KIAA1549L: variants seen among roughly 807,000 people sequenced by gnomAD.
KIAA1549L encodes the protein KIAA1549 like, also known as UPF0606 protein KIAA1549L.
In KIAA1549L, 88 loss-of-function variants were observed where a neutral mutation model predicts 160.7. The ratio of observed to expected loss-of-function variants is 0.55; its 90% CI spans 0.46 to 0.65. The LOEUF (loss-of-function observed/expected upper bound fraction) is 0.65, where lower values mean the gene tolerates loss of function less well. Ranked by LOEUF, KIAA1549L falls within the 30% of genes least tolerant of loss-of-function variation. The pLI, the probability that KIAA1549L is intolerant of heterozygous loss-of-function variation, is 0.00. For synonymous variants in KIAA1549L, 950 were observed against 976.7 expected (o/e 0.97, Z 0.51); for missense variants, 2,258 against 2,437.5 (o/e 0.93, Z 1.55).
rs569101503 is a variant in KIAA1549L at position 33,424,463 on chromosome 11, T to TA, written c.238+47582dup. On this transcript the variant is annotated intron_variant, in intron 1 of 20. Coordinates refer to ENST00000658780, the MANE Select transcript of KIAA1549L (RefSeq NM_012194.3). ...TCTGCCTGTTTTTGTTTCCTAATCT[T>TA]AAAAAAAATCTTTAGAGGGCACTCA... 4.9e-3 allele frequency among the ~76,000 whole-genome samples: 742 copies of TA among 151,972 alleles called. 4 individuals carry two copies. Among genetic ancestry groups the TA allele is most frequent in the South Asian group, 0.027 (129 of 4,806 alleles).
At chr11:33,539,325 T>G (rs1853962815) in intron 1 of KIAA1549L, among the ~76,000 whole-genome samples, 1 of 152,260 alleles carries the variant, frequency 6.6e-6, no homozygotes, top group Non-Finnish European at 1.5e-5. Context: ...TTTTCTTGAC[T>G]ATGAGAGTTT....
chr11:33,482,334 C>G (rs965759929), intron 1 of KIAA1549L, among the ~76,000 whole-genome samples: 18 of 151,800 alleles, frequency 1.2e-4, no homozygotes, highest in African/African-American at 3.4e-4. Flanking sequence ...TAGTTATCTG[C>G]TGGAATTTCT....
intron 1 of KIAA1549L, among the ~76,000 whole-genome samples, chr11:33,441,746 T>C (rs1590247472): frequency 6.6e-6 from 1 of 152,202 alleles, no homozygotes; most frequent in African/African-American, 2.4e-5. Context: ...TCATATCCTT[T>C]GCCCACTTTT....
At chr11:33,658,686 C>T in intron 18 of KIAA1549L, 64 bp from the exon 19 acceptor site, 1 of 1,528,560 alleles carries the variant, frequency 6.5e-7, no homozygotes. Flanking sequence ...GGGCGCACTC[C>T]TCCTGCTCGG....
intron 1 of KIAA1549L, among the ~76,000 whole-genome samples, chr11:33,420,238 T>TGTTTG (rs200546918): frequency 3.4e-5 from 5 of 148,068 alleles, no homozygotes; most frequent in Non-Finnish European, 3.0e-5. Flanking sequence ...TTTTTTTGTT[T>TGTTTG]TTTTTTTTTT....
At position 33,673,740 on chromosome 11, in the gene KIAA1549L, C is replaced by CA. The variant is rs1340818461; in HGVS notation, c.*5587dup. The CA allele has an allele frequency of 6.6e-6, 1 of 152,186 alleles. No homozygotes were observed. Among genetic ancestry groups the CA allele is most frequent in the Non-Finnish European group, 1.5e-5 (1 of 68,030 alleles). The allele number at this position is 152,186 out of a possible 1,614,324, so 9.4% of individuals were successfully genotyped here. A position where few individuals can be genotyped will look rare whatever the true frequency, so the allele number is the denominator to read the frequency against. On this transcript the variant is annotated 3_prime_UTR_variant, in exon 21 of 21. Coordinates refer to ENST00000658780, the MANE Select transcript of KIAA1549L (RefSeq NM_012194.3). Reference sequence around the variant, plus strand: ...AATTAATTTATACAGTCACATGTTCCATGACACCATGTTTTGCCAAGGAAA... The same window carrying CA: ...AATTAATTTATACAGTCACATGTTCCAATGACACCATGTTTTGCCAAGGAAA...
intron 1 of KIAA1549L, among the ~76,000 whole-genome samples, chr11:33,514,286 A>C (rs1014963431): frequency 6.6e-6 from 1 of 152,240 alleles, no homozygotes; most frequent in Admixed American, 6.5e-5. Context: ...AAGTCATTGA[A>C]AAACACTGAA....
chr11:33,614,584 ATTTTTTTTTTTT>A (rs869257067), intron 15 of KIAA1549L, among the ~76,000 whole-genome samples: 4 of 5,116 alleles, frequency 7.8e-4, no homozygotes, highest in South Asian at 0.01. Flanking sequence ...ATATATATAT[ATTTTTTTTTTTT>A]TTTTTTTTTT....
intron 9 of KIAA1549L, among the ~76,000 whole-genome samples, chr11:33,571,616 G>A (rs7939302): frequency 0.091 from 13,826 of 151,962 alleles, 2,115 homozygotes; most frequent in African/African-American, 0.31. Context: ...AGAGGGTGGG[G>A]GGAGGCTCCA....
chr11:33,573,613 T>C (rs907600274), intron 9 of KIAA1549L, among the ~76,000 whole-genome samples: 13 of 152,182 alleles, frequency 8.5e-5, no homozygotes, highest in African/African-American at 3.1e-4. Context: ...TTATAAACAA[T>C]GTTGCTATAA....
chr11:33,539,656 CTTTTTGTTTTGTTTT>C (rs1853970145), intron 1 of KIAA1549L, among the ~76,000 whole-genome samples: 1 of 152,090 alleles, frequency 6.6e-6, no homozygotes, highest in Non-Finnish European at 1.5e-5. Flanking sequence ...GGTTTTGTTT[CTTTTTGTTTTGTTTT>C]GCTATGGAGA....
chr11:33,571,618 G>A (rs148902412), intron 9 of KIAA1549L, among the ~76,000 whole-genome samples: 1 of 151,968 alleles, frequency 6.6e-6, no homozygotes, highest in Non-Finnish European at 1.5e-5. Flanking sequence ...AGGGTGGGGG[G>A]AGGCTCCACG....
chr11:33,494,951 G>A (rs920532594), intron 1 of KIAA1549L, among the ~76,000 whole-genome samples: 3 of 152,128 alleles, frequency 2.0e-5, no homozygotes, highest in East Asian at 1.9e-4. Flanking sequence ...AGAGAAATGC[G>A]TTCTTTGTTA....
At chr11:33,656,828 C>G (rs1262975043) in intron 18 of KIAA1549L, among the ~76,000 whole-genome samples, 1 of 152,078 alleles carries the variant, frequency 6.6e-6, no homozygotes, top group African/African-American at 2.4e-5. Flanking sequence ...GGAGGGACCC[C>G]GCTCTCATTG....
At chr11:33,549,740 A>C (rs547296745) in intron 4 of KIAA1549L, among the ~76,000 whole-genome samples, 1 of 152,342 alleles carries the variant, frequency 6.6e-6, no homozygotes, top group South Asian at 2.1e-4. Flanking sequence ...ACAGTGTTTC[A>C]TGCCTATAAT....
chr11:33,390,228 A>G (rs1397081279), intron 1 of KIAA1549L, among the ~76,000 whole-genome samples: 1 of 152,196 alleles, frequency 6.6e-6, no homozygotes, highest in Non-Finnish European at 1.5e-5. Context: ...GTTCGATTCC[A>G]GAGCCCACAC....
intron 1 of KIAA1549L, among the ~76,000 whole-genome samples, chr11:33,464,701 C>T (rs1392006204): frequency 6.6e-6 from 1 of 152,144 alleles, no homozygotes; most frequent in African/African-American, 2.4e-5. Context: ...TCTAGATCCA[C>T]ATCTGTTCAA....
intron 1 of KIAA1549L, among the ~76,000 whole-genome samples, chr11:33,394,539 C>G (rs1850336145): frequency 6.6e-6 from 1 of 152,112 alleles, no homozygotes; most frequent in African/African-American, 2.4e-5. Flanking sequence ...AGAAGTTTAA[C>G]CATACTGGTC....
At position 33,656,125 on chromosome 11, in the gene KIAA1549L, CTT is replaced by C; in HGVS notation, c.5858+18_5858+19del. ...CTCTCAGGCGGTAACACGTTCCTTT[CTT>C]TGTTTTGTTTGGAATATTTGGAAAA... On this transcript the variant is annotated intron_variant, in intron 18 of 20. Transcript: ENST00000658780. The C allele has an allele frequency of 6.3e-7, 1 of 1,595,178 alleles. No homozygotes were observed. Among genetic ancestry groups the C allele is most frequent in the Non-Finnish European group, 8.6e-7 (1 of 1,163,964 alleles).
Sources: gnomAD v4.1 joint callset for allele counts (sites outside exome capture counted in the v4.1 genomes callset) on GRCh38, gnomAD v4.1.1 for gene constraint, MANE v1.5 for transcripts, NCBI Gene and HGNC (gene_info 2026-07-23, HGNC 2026-07-21) for gene names.